UMAD1: variants seen among roughly 807,000 people sequenced by gnomAD.
UMAD1 encodes UBAP1-MVB12-associated (UMA)-domain containing protein 1.
In UMAD1, 8 loss-of-function variants were observed where a neutral mutation model predicts 6.1. The observed-to-expected ratio is 1.30, with a 90% CI of 0.76 to 2.35. The LOEUF is 2.35. Among genes scored for constraint, UMAD1 ranks in the 30% most tolerant of loss-of-function variants. The pLI is 0.00. For missense variants in UMAD1, 130 were observed against 78.4 expected (o/e 1.66, Z -2.49); for synonymous variants, 56 against 31.4 (o/e 1.78, Z -2.61).
chr7:7,771,398 AG>A (rs951943151), intron 2 of UMAD1, among the ~76,000 whole-genome samples: 2 of 152,130 alleles, frequency 1.3e-5, no homozygotes, highest in Non-Finnish European at 2.9e-5. Context: ...GCTGATGGTT[AG>A]GGGGTGCCAT....
At chr7:7,670,713 A>G (rs1375904575) in intron 1 of UMAD1, among the ~76,000 whole-genome samples, 1 of 152,202 alleles carries the variant, frequency 6.6e-6, no homozygotes, top group Non-Finnish European at 1.5e-5. Context: ...ATGAACTAAA[A>G]AGACAAGTAA....
At chr7:7,675,118 G>GC (rs551429441) in intron 2 of UMAD1, among the ~76,000 whole-genome samples, 231 of 152,168 alleles carry the variant, frequency 1.5e-3, no homozygotes, top group African/African-American at 5.3e-3. Context: ...TCCTGCCTCG[G>GC]CCCCCCAAAG....
chr7:7,867,388 A>C (rs1245680342), intron 3 of UMAD1, among the ~76,000 whole-genome samples: 3 of 152,154 alleles, frequency 2.0e-5, no homozygotes, highest in Non-Finnish European at 4.4e-5. Flanking sequence ...GTGTGTTGAG[A>C]TTAGGAAGAG....
intron 3 of UMAD1, among the ~76,000 whole-genome samples, chr7:7,852,650 G>A (rs10243090): frequency 0.1 from 15,404 of 152,154 alleles, 1,039 homozygotes; most frequent in African/African-American, 0.18. Flanking sequence ...GTCTGGAAGG[G>A]TCATGAGCAC....
At chr7:7,869,237 A>AGTCAAGAACCTGAT (rs57224550) in intron 3 of UMAD1, among the ~76,000 whole-genome samples, 1 of 151,820 alleles carries the variant, frequency 6.6e-6, no homozygotes, top group South Asian at 2.1e-4. Flanking sequence ...CTCACCCCAC[A>AGTCAAGAACCTGAT]GTAATGCAAG....
At chr7:7,677,461 A>G (rs1779770972) in intron 2 of UMAD1, among the ~76,000 whole-genome samples, 1 of 151,798 alleles carries the variant, frequency 6.6e-6, no homozygotes, top group South Asian at 2.1e-4. Context: ...CATGAGTTCA[A>G]TTTGAAAAAA....
At chr7:7,662,427 C>T (rs931264253) in intron 1 of UMAD1, among the ~76,000 whole-genome samples, 3 of 152,182 alleles carry the variant, frequency 2.0e-5, no homozygotes, top group Non-Finnish European at 2.9e-5. Context: ...GTGCTTAAAA[C>T]CCAGGTCCGT....
intron 3 of UMAD1, among the ~76,000 whole-genome samples, chr7:7,860,892 T>C (rs1459704056): frequency 2.0e-5 from 3 of 152,114 alleles, no homozygotes; most frequent in Non-Finnish European, 2.9e-5. Flanking sequence ...ATGTGGCATA[T>C]ACATACAATG....
At chr7:7,780,284 T>A (rs1330024608) in intron 2 of UMAD1, among the ~76,000 whole-genome samples, 1 of 152,218 alleles carries the variant, frequency 6.6e-6, no homozygotes, top group East Asian at 1.9e-4. Flanking sequence ...ATTTCCCCAT[T>A]TCCTGCTGGC....
chr7:7,847,771 G>T (rs967531667), intron 3 of UMAD1, among the ~76,000 whole-genome samples: 1 of 152,062 alleles, frequency 6.6e-6, no homozygotes, highest in Non-Finnish European at 1.5e-5. Flanking sequence ...GGCTGGTTTT[G>T]AACTCCTGGC....
At chr7:7,669,145 A>G (rs1308894664) in intron 1 of UMAD1, among the ~76,000 whole-genome samples, 3 of 151,832 alleles carry the variant, frequency 2.0e-5, no homozygotes, top group Non-Finnish European at 4.4e-5. Flanking sequence ...AACCTTTTGT[A>G]TAGGAAAAAA....
intron 1 of UMAD1, among the ~76,000 whole-genome samples, chr7:7,662,198 T>C (rs777657796): frequency 3.3e-5 from 5 of 152,186 alleles, no homozygotes; most frequent in Non-Finnish European, 5.9e-5. Flanking sequence ...TTCAGGTTGC[T>C]GTGCTGGCAG....
chr7:7,844,849 C>T (rs745316458), intron 3 of UMAD1, among the ~76,000 whole-genome samples: 1 of 152,126 alleles, frequency 6.6e-6, no homozygotes, highest in Non-Finnish European at 1.5e-5. Context: ...CTGTTTACAG[C>T]CTTTATGCTT....
chr7:7,723,365 C>G (rs943538943), intron 2 of UMAD1, among the ~76,000 whole-genome samples: 2 of 152,110 alleles, frequency 1.3e-5, no homozygotes, highest in Non-Finnish European at 2.9e-5. Flanking sequence ...TGTTACAGCT[C>G]AGGGAGTTAA....
intron 2 of UMAD1, among the ~76,000 whole-genome samples, chr7:7,697,584 G>A (rs1780351879): frequency 6.6e-6 from 1 of 151,998 alleles, no homozygotes; most frequent in Non-Finnish European, 1.5e-5. Context: ...ATATGTACCT[G>A]CTAAAGCCCT....
intron 2 of UMAD1, among the ~76,000 whole-genome samples, chr7:7,743,746 T>A: frequency 6.6e-6 from 1 of 151,444 alleles, no homozygotes. Context: ...TTCTGCACTT[T>A]TAAAAAAATA....
At chr7:7,837,284 ACTCT>A (rs1292856275) in intron 3 of UMAD1, among the ~76,000 whole-genome samples, 2 of 152,030 alleles carry the variant, frequency 1.3e-5, no homozygotes, top group African/African-American at 4.8e-5. Flanking sequence ...GCAGCAAGAG[ACTCT>A]CTCTAAAGGA....
intron 2 of UMAD1, among the ~76,000 whole-genome samples, chr7:7,782,971 A>G (rs1354045712): frequency 2.0e-5 from 3 of 152,242 alleles, no homozygotes; most frequent in Admixed American, 1.3e-4. Flanking sequence ...GACTTCAGGT[A>G]ATCTGCCTCC....
At chr7:7,804,983 G>GAAAACAAAAC (rs59013853) in intron 3 of UMAD1, among the ~76,000 whole-genome samples, 9 of 151,478 alleles carry the variant, frequency 5.9e-5, no homozygotes, top group African/African-American at 2.2e-4. Context: ...TCCTTCTCAA[G>GAAAACAAAAC]AAAACAAAAC....
Sources: allele counts gnomAD v4.1 joint callset (sites outside exome capture counted in the v4.1 genomes callset), GRCh38; gene constraint gnomAD v4.1.1; transcripts MANE v1.5; gene names NCBI Gene and HGNC (gene_info 2026-07-23, HGNC 2026-07-21).